The following AP2A2 variants were observed in gnomAD, a reference collection of about 807,000 sequenced individuals.
AP2A2 encodes adaptor related protein complex 2 subunit alpha 2, also known as AP-2 complex subunit alpha-2.
Under a neutral mutation model 104.2 loss-of-function variants are expected in AP2A2, and 32 were observed. That is an observed-to-expected ratio of 0.31 (90% CI 0.23 to 0.41). AP2A2 has a LOEUF of 0.41. Ranked by LOEUF, AP2A2 falls within the 10% of genes least tolerant of loss-of-function variation. The pLI is 1.00. For missense variants in AP2A2, 912 were observed against 1,261.0 expected, an observed-to-expected ratio of 0.72 and a Z score of 4.19; for synonymous variants, 539 against 533.3, an observed-to-expected ratio of 1.01 and a Z score of -0.15.
At chr11:947,150 A>G (rs1039423372) in intron 1 of AP2A2, among the ~76,000 whole-genome samples, 2 of 151,810 alleles carry the variant, frequency 1.3e-5, no homozygotes, top group South Asian at 2.1e-4. Context: ...AGCTGGGATT[A>G]CAGACTCCCG....
At chr11:981,942 C>T (rs901896293) in intron 6 of AP2A2, among the ~76,000 whole-genome samples, 11 of 152,282 alleles carry the variant, frequency 7.2e-5, no homozygotes, top group Admixed American at 2.0e-4. Context: ...CTTCCCCTGC[C>T]GTGCACACGG....
At chr11:1,002,554 G>A (rs980362939) in intron 15 of AP2A2, among the ~76,000 whole-genome samples, 1 of 152,266 alleles carries the variant, frequency 6.6e-6, no homozygotes, top group African/African-American at 2.4e-5. Flanking sequence ...CTGCCTCAGC[G>A]GCTCTCGTGG....
intron 1 of AP2A2, among the ~76,000 whole-genome samples, chr11:934,420 C>T (rs1394726235): frequency 2.0e-5 from 3 of 152,168 alleles, no homozygotes; most frequent in African/African-American, 7.2e-5. Context: ...GCCACTGCGC[C>T]CAGCCCTTTC....
chr11:987,755 AG>A (rs1207777236), intron 9 of AP2A2, among the ~76,000 whole-genome samples: 1 of 152,176 alleles, frequency 6.6e-6, no homozygotes, highest in Admixed American at 6.5e-5. Context: ...CGTTCCACAT[AG>A]GGGACCCTGC....
intron 1 of AP2A2, among the ~76,000 whole-genome samples, chr11:937,874 A>G (rs1853512376): frequency 6.6e-6 from 1 of 152,072 alleles, no homozygotes; most frequent in Non-Finnish European, 1.5e-5. Flanking sequence ...TGGCGTGGAG[A>G]GGTTGTCAGT....
chr11:1,007,845 TG>T, intron 17 of AP2A2, 166 bp from the exon 18 acceptor site: 1 of 883,994 alleles, frequency 1.1e-6, no homozygotes, highest in Non-Finnish European at 1.7e-6. Flanking sequence ...GAGGATTGTC[TG>T]GGTGGAAGGG....
chr11:939,731 C>T (rs1445617849), intron 1 of AP2A2, among the ~76,000 whole-genome samples: 1 of 152,038 alleles, frequency 6.6e-6, no homozygotes, highest in Admixed American at 6.6e-5. Context: ...AGGCGTGAGC[C>T]ACCGTGCCTG....
intron 16 of AP2A2, 52 bp from the exon 17 acceptor site, chr11:1,006,476 C>A: frequency 7.9e-7 from 1 of 1,268,446 alleles, no homozygotes; most frequent in Non-Finnish European, 1.1e-6. Flanking sequence ...GGTAAATATT[C>A]AGGGTAAGTG....
chr11:931,157 C>T (rs1853279712), intron 1 of AP2A2, among the ~76,000 whole-genome samples: 1 of 152,160 alleles, frequency 6.6e-6, no homozygotes, highest in East Asian at 1.9e-4. Context: ...TTTTCCCCCT[C>T]AGTACAGTCC....
intron 1 of AP2A2, among the ~76,000 whole-genome samples, chr11:934,983 G>A (rs759935305): frequency 1.0e-4 from 15 of 149,808 alleles, no homozygotes; most frequent in Middle Eastern, 6.9e-3. Context: ...CTCAGCCTCC[G>A]GAGTAGCTGG....
rs189017516 is a variant in AP2A2, at chr11:992,802, C to T, written c.1452+117C>T. The T allele has an allele frequency of 1.8e-5, 19 of 1,065,802 alleles. No individual in the cohort carries two copies. The highest frequency in any genetic ancestry group is 3.1e-5 in the African/African-American group (2 of 64,556). 66.0% of individuals were successfully genotyped at this position (1,065,802 alleles called of 1,614,324 possible). Reference sequence around the variant, plus strand: ...CGAGGGCCGTTGCTGACCCCTCTTGCCCCTCAGCTCTTCCCTGAGGCTCTA... The same window carrying T: ...CGAGGGCCGTTGCTGACCCCTCTTGTCCCTCAGCTCTTCCCTGAGGCTCTA... On this transcript the variant is annotated intron_variant, in intron 11 of 21. Transcript: ENST00000448903. The surrounding 1 kb of genome is among the most constrained non-coding windows in gnomAD (Gnocchi z 6.4).
chr11:926,368 CCTGGGT>C (rs1589934074), intron 1 of AP2A2, among the ~76,000 whole-genome samples: 1 of 130,740 alleles, frequency 7.6e-6, no homozygotes, highest in East Asian at 2.3e-4. Flanking sequence ...AGAGCGGGGC[CCTGGGT>C]CTGGGGGTGC....
At chr11:1,003,877 ATATACT>A (rs1856108383) in intron 16 of AP2A2, 73 bp downstream of exon 16, 4 of 1,009,670 alleles carry the variant, frequency 4.0e-6, no homozygotes, top group African/African-American at 1.6e-5. Context: ...TTTGCAAATC[ATATACT>A]TATAAGGGAT....
intron 1 of AP2A2, among the ~76,000 whole-genome samples, chr11:941,488 C>A (rs1338534359): frequency 1.3e-5 from 2 of 152,036 alleles, no homozygotes; most frequent in African/African-American, 4.8e-5. Flanking sequence ...TACTATGTTG[C>A]CCAGGCTGGT....
chr11:986,010 G>A (rs1053560374), intron 8 of AP2A2, among the ~76,000 whole-genome samples: 4 of 152,254 alleles, frequency 2.6e-5, no homozygotes, highest in African/African-American at 9.6e-5. Context: ...AGAGGCGCAG[G>A]GTGGCGGTCG....
chr11:993,362 GC>G lies in AP2A2; in HGVS notation c.1532del (p.Ala511ValfsTer9). 1 of 1,611,748 alleles carries G rather than the reference GC, an allele frequency of 6.2e-7. No individual in the cohort carries two copies. The highest frequency in any genetic ancestry group is 1.7e-4 in the Middle Eastern group (1 of 6,054). ...CCTGGGGGAGTTTGGAAACTTGATA[GC>G]TGGAGACCCGAGATCCAGGTGAGAG... ...YILGEFGNLI[A>X]GDPRSSPLIQ... On this transcript the variant is annotated frameshift_variant, in exon 12 of 22. Transcript: ENST00000448903. LOFTEE classifies it high-confidence loss of function. The surrounding 1 kb of genome is among the most constrained non-coding windows in gnomAD (Gnocchi z 8.2).
chr11:965,653 G>A (rs1854589572), intron 2 of AP2A2, among the ~76,000 whole-genome samples: 1 of 152,224 alleles, frequency 6.6e-6, no homozygotes, highest in Non-Finnish European at 1.5e-5. Flanking sequence ...GGCCCGTCCA[G>A]ATCTGACGGT....
In AP2A2 at chr11:1,010,712, C is replaced by G. The variant is rs949710836; in HGVS notation, c.*87C>G. 22 of 1,116,814 alleles carry G rather than the reference C, an allele frequency of 2.0e-5. No individual in the cohort carries two copies. The highest frequency in any genetic ancestry group is 2.7e-5 in the Non-Finnish European group (20 of 753,064). The allele number at this position is 1,116,814 out of a possible 1,614,324, so 69.2% of individuals were successfully genotyped here. Reference sequence around the variant, plus strand: ...TCGTGGCCATCCTGCAGATGAGCACCGTGTCCAGTGCCACAGCACAAGGCG... The same window carrying G: ...TCGTGGCCATCCTGCAGATGAGCACGGTGTCCAGTGCCACAGCACAAGGCG... On this transcript the variant is annotated 3_prime_UTR_variant, in exon 22 of 22. Coordinates refer to ENST00000448903, the MANE Select transcript of AP2A2 (RefSeq NM_012305.4).
intron 10 of AP2A2, among the ~76,000 whole-genome samples, chr11:991,610 G>T (rs987368725): frequency 7.1e-4 from 108 of 152,002 alleles, no homozygotes; most frequent in Non-Finnish European, 1.2e-3. Flanking sequence ...TGAGCTGCGG[G>T]TAGGGCTCAG....
Sources: gnomAD v4.1 joint callset for allele counts (sites outside exome capture counted in the v4.1 genomes callset) on GRCh38, gnomAD v4.1.1 for gene constraint, Gnocchi (gnomAD v3.1) non-coding constraint, MANE v1.5 for transcripts, NCBI Gene and HGNC (gene_info 2026-07-23, HGNC 2026-07-21) for gene names.